Variants in RANBP2 observed in about 807,000 individuals in gnomAD.
RANBP2 encodes RAN binding protein 2.
In RANBP2, 57 loss-of-function variants were observed where a neutral mutation model predicts 303.6. The observed-to-expected ratio is 0.19, with a 90% confidence interval of 0.15 to 0.23. The LOEUF (loss-of-function observed/expected upper bound fraction) is 0.23, where lower values mean the gene tolerates loss of function less well. Ranked by LOEUF, RANBP2 falls within the 10% of genes least tolerant of loss-of-function variation. RANBP2 has a pLI of 1.00. For missense variants in RANBP2, 3,138 were observed against 3,780.8 expected, an observed-to-expected ratio of 0.83 and a Z score of 4.46; for synonymous variants, 1,167 against 1,301.5, an observed-to-expected ratio of 0.90 and a Z score of 2.23.
At chr2:108,835,738 A>G in the RANBP2 span, among the ~76,000 whole-genome samples, 2 of 152,206 alleles carry the variant, frequency 1.3e-5, no homozygotes, top group African/African-American at 4.8e-5. Flanking sequence ...GCTCTCCAGA[A>G]ATATTTTATC....
chr2:109,451,050 G>A, the RANBP2 span, among the ~76,000 whole-genome samples: 3 of 152,308 alleles, frequency 2.0e-5, no homozygotes, highest in East Asian at 1.9e-4. Context: ...AGCCGGGAAC[G>A]CTGCAGACAT....
At chr2:108,793,287 C>T in the RANBP2 span, among the ~76,000 whole-genome samples, 2 of 148,444 alleles carry the variant, frequency 1.3e-5, no homozygotes, top group Admixed American at 6.7e-5. Context: ...GAGCCGAGGT[C>T]GCGCCACTGC....
chr2:109,458,258 T>G, the RANBP2 span, among the ~76,000 whole-genome samples: 2 of 152,178 alleles, frequency 1.3e-5, no homozygotes, highest in Admixed American at 1.3e-4. Context: ...TGAAACTCAT[T>G]AATCTTTTCA....
the RANBP2 span, among the ~76,000 whole-genome samples, chr2:109,225,457 T>C: frequency 1.3e-5 from 2 of 152,154 alleles, no homozygotes; most frequent in African/African-American, 4.8e-5. Flanking sequence ...CCTTTAAAGA[T>C]ACAGGCCAGG....
chr2:109,532,701 G>A, the RANBP2 span, among the ~76,000 whole-genome samples: 1 of 152,186 alleles, frequency 6.6e-6, no homozygotes. Context: ...GACCAGGATA[G>A]CACAAAGGAG....
chr2:109,243,762 G>GT, the RANBP2 span, among the ~76,000 whole-genome samples: 1 of 152,200 alleles, frequency 6.6e-6, no homozygotes, highest in South Asian at 2.1e-4. Flanking sequence ...GGCCCGAGTG[G>GT]TTTTGCAATC....
the RANBP2 span, among the ~76,000 whole-genome samples, chr2:108,960,374 G>C: frequency 6.6e-6 from 1 of 152,200 alleles, no homozygotes; most frequent in Admixed American, 6.5e-5. Flanking sequence ...TTCTCAAGAC[G>C]CTCTTGCTGA....
the RANBP2 span, chr2:109,432,778 A>T: frequency 7.0e-7 from 1 of 1,420,326 alleles, no homozygotes; most frequent in Non-Finnish European, 9.3e-7. Flanking sequence ...CCCAGAAGGC[A>T]GCAAGGCCAC....
the RANBP2 span, among the ~76,000 whole-genome samples, chr2:108,797,070 G>T: frequency 6.6e-6 from 1 of 152,176 alleles, no homozygotes; most frequent in South Asian, 2.1e-4. Context: ...TGACTTTGGA[G>T]CCTGTGAGAA....
the RANBP2 span, among the ~76,000 whole-genome samples, chr2:108,905,035 G>C: frequency 6.6e-6 from 1 of 152,138 alleles, no homozygotes; most frequent in Admixed American, 6.5e-5. Flanking sequence ...AAAATAAAAA[G>C]TTTAATTAAA....
At chr2:109,482,564 C>G in the RANBP2 span, among the ~76,000 whole-genome samples, 1 of 152,214 alleles carries the variant, frequency 6.6e-6, no homozygotes, top group Non-Finnish European at 1.5e-5. Flanking sequence ...AACCCACTCC[C>G]GCGCCCAGCC....
chr2:109,350,894 C>T, the RANBP2 span, among the ~76,000 whole-genome samples: 258 of 152,320 alleles, frequency 1.7e-3, no homozygotes, highest in Middle Eastern at 3.4e-3. Flanking sequence ...CTGAAAGCTA[C>T]AATGGTATAA....
the RANBP2 span, among the ~76,000 whole-genome samples, chr2:109,412,566 C>T: frequency 1.3e-5 from 2 of 152,250 alleles, no homozygotes; most frequent in African/African-American, 4.8e-5. Flanking sequence ...ACTGCCAGCC[C>T]AGCCCCTGCT....
chr2:109,398,772 C>T, the RANBP2 span: 3 of 1,613,600 alleles, frequency 1.9e-6, no homozygotes, highest in Non-Finnish European at 2.5e-6. Flanking sequence ...AGAAGAACAC[C>T]AAGAAACGCC....
chr2:108,973,476 G>C, the RANBP2 span, among the ~76,000 whole-genome samples: 1 of 152,114 alleles, frequency 6.6e-6, no homozygotes, highest in Non-Finnish European at 1.5e-5. Flanking sequence ...GCTTTCCAGT[G>C]CTTTCCAGTA....
chr2:109,361,713 T>C, the RANBP2 span, among the ~76,000 whole-genome samples: 1 of 152,188 alleles, frequency 6.6e-6, no homozygotes, highest in Non-Finnish European at 1.5e-5. Context: ...TGACTTCAAA[T>C]AATCTGCCCA....
the RANBP2 span, among the ~76,000 whole-genome samples, chr2:109,260,124 T>C: frequency 1.3e-4 from 20 of 152,228 alleles, no homozygotes; most frequent in African/African-American, 4.6e-4. Flanking sequence ...TTTCATTTTC[T>C]AAATTCTCAG....
At chr2:109,525,488 C>A in the RANBP2 span, among the ~76,000 whole-genome samples, 1 of 152,124 alleles carries the variant, frequency 6.6e-6, no homozygotes, top group Non-Finnish European at 1.5e-5. Context: ...TTACCTGCAC[C>A]CTCACCAGCC....
chr2:108,945,631 T>A, the RANBP2 span, among the ~76,000 whole-genome samples: 6 of 152,258 alleles, frequency 3.9e-5, no homozygotes, highest in African/African-American at 1.2e-4. Flanking sequence ...CAGCTAACTT[T>A]CTAAAAATTT....
Sources: allele counts gnomAD v4.1 joint callset (sites outside exome capture counted in the v4.1 genomes callset), GRCh38; gene constraint gnomAD v4.1.1; transcripts MANE v1.5; gene names NCBI Gene and HGNC (gene_info 2026-07-23, HGNC 2026-07-21).